The following SALL1 variants were observed in gnomAD, a reference collection of about 807,000 sequenced individuals.
SALL1 encodes the protein sal-like protein 1.
A neutral mutation model predicts 73.1 loss-of-function variants in SALL1; 10 were observed. That is an observed-to-expected ratio of 0.14 (90% CI 0.08 to 0.23). The LOEUF is 0.23. SALL1 is among the 10% of genes least tolerant of loss of function. The pLI, the probability that SALL1 is intolerant of heterozygous loss-of-function variation, is 1.00. For missense variants in SALL1, 1,520 were observed against 1,697.3 expected, an observed-to-expected ratio of 0.90 and a Z score of 1.84; for synonymous variants, 688 against 689.8, an observed-to-expected ratio of 1.00 and a Z score of 0.04.
intron 1 of SALL1, among the ~76,000 whole-genome samples, chr16:51,145,852 T>C (rs1308071816): frequency 3.3e-5 from 5 of 152,220 alleles, no homozygotes; most frequent in Non-Finnish European, 5.9e-5. Flanking sequence ...GACACTTCAC[T>C]GTACTTCCCA....
chr16:51,147,827 G>A lies in SALL1; in HGVS notation c.76+3339C>T, dbSNP rs943596179. ...CACACACATGCACACATGCACTTAC[G>A]CACACAAAACACATAACTGAAATCC... On this transcript the variant is annotated intron_variant, in intron 1 of 2. Transcript: ENST00000251020. Among the ~76,000 whole-genome samples the A allele has an allele frequency of 2.9e-4, 25 of 87,474 alleles. No homozygotes were observed. The South Asian group carries it at 8.2e-3, about 29-fold the overall frequency. The allele number at this position is 87,474 out of a possible 152,430, so 57.4% of individuals were successfully genotyped here. A position where few individuals can be genotyped will look rare whatever the true frequency, so the allele number is the denominator to read the frequency against.
In SALL1 at chr16:51,137,611, G is replaced by A. The variant is rs1047519223; in HGVS notation, c.3535-59C>T. ...GAGAGAGAGAGAAAAAAAAGAGGAG[G>A]GGGAGAGAAGCTTAATAGCTGAATC... is the stretch of plus-strand genomic sequence containing the variant. On this transcript the variant is annotated intron_variant, in intron 2 of 2. Coordinates refer to ENST00000251020, the MANE Select transcript of SALL1 (RefSeq NM_002968.3). The A allele has an allele frequency of 1.4e-5, 19 of 1,364,202 alleles. No homozygotes were observed. In the African/African-American group the frequency reaches 2.7e-4, roughly 20 times the overall value. The allele number at this position is 1,364,202 out of a possible 1,614,324, so 84.5% of individuals were successfully genotyped here. A position where few individuals can be genotyped will look rare whatever the true frequency, so the allele number is the denominator to read the frequency against.
Position 51,141,321 on chromosome 16 carries a change from G to C in SALL1, c.901C>G (p.Gln301Glu). The change falls in exon 2 of 3, where the codon CAG becomes GAG. Residue 301 changes from glutamine (Q) to glutamate (E), a missense_variant. By Grantham distance (29) the Gln-to-Glu change is conservative. Around this residue, in one of 7 missense-constraint regions of SALL1, gnomAD observed 540 missense variants for 567.5 expected, o/e 0.95. Coordinates refer to ENST00000251020, the MANE Select transcript of SALL1 (RefSeq NM_002968.3). This position sits in a 1 kb window ranked among gnomAD's most constrained non-coding sequence, Gnocchi z 5.4. Reference protein sequence around the residue: ...QQLAAAAGLAQSLASQSASIS... With the variant: ...QQLAAAAGLAESLASQSASIS... ...CTGGCAGATTGGCTGGCGAGGCTCT[G>C]TGCCAATCCAGCTGCTGCTGCCAGC... The C allele has an allele frequency of 6.2e-7, 1 of 1,613,808 alleles. No homozygotes were observed. The highest frequency in any genetic ancestry group is 8.5e-7 in the Non-Finnish European group (1 of 1,180,040).
At chr16:51,146,120 T>A (rs1387956622) in intron 1 of SALL1, among the ~76,000 whole-genome samples, 1 of 152,066 alleles carries the variant, frequency 6.6e-6, no homozygotes, top group Non-Finnish European at 1.5e-5. Flanking sequence ...ATATTTTCTG[T>A]GATGTCTAAA....
At position 51,140,301 on chromosome 16, in the gene SALL1, C is replaced by G. The variant is rs750975954; in HGVS notation, c.1921G>C (p.Val641Leu). ...TNSVPTASSS[V>L]LSSPAADCGP... is the part of the protein sequence containing the mutation. ...CAGTCTGCCGCTGGGGAGCTCAGGA[C>G]GCTACTGCTCGCCGTCGGGACTGAG... The change falls in exon 2 of 3, where the codon GTC becomes CTC. Residue 641 changes from valine to leucine, a missense_variant. Transcript: ENST00000251020. This position sits in a 1 kb window ranked among gnomAD's most constrained non-coding sequence, Gnocchi z 5.7. 6.2e-7 allele frequency: 1 copy of G among 1,614,122 alleles called. No homozygotes were observed. Among genetic ancestry groups the G allele is most frequent in the East Asian group, 2.2e-5 (1 of 44,876 alleles).
In SALL1 at chr16:51,139,195, T is replaced by G. The variant is rs1664170012; in HGVS notation, c.3027A>C (p.Thr1009=). ...TGTCCAAGGCACTCTGACAAGCAAA[T>G]GTTTTGCCACAAATGTCACAAGCAG... is the stretch of plus-strand genomic sequence containing the variant. ...KNTACDICGK[T]FACQSALDIH... Residue 1009 remains threonine, a synonymous_variant, in exon 2 of 3, where the codon ACA becomes ACC. Transcript: ENST00000251020. 3 of 1,614,120 alleles carry G rather than the reference T, an allele frequency of 1.9e-6. No homozygotes were observed. Among genetic ancestry groups the G allele is most frequent in the Non-Finnish European group, 1.7e-6 (2 of 1,180,054 alleles).
Position 51,139,163 on chromosome 16 carries a change from T to A in SALL1, c.3059A>T (p.Tyr1020Phe). The change falls in exon 2 of 3, where the codon TAT becomes TTT. Residue 1020 changes from tyrosine (Y) to phenylalanine (F), a missense_variant. By Grantham distance (22) the Tyr-to-Phe change is conservative. Transcript: ENST00000251020. ...FACQSALDIH[Y>F]RSHTKERPFI... is the part of the protein sequence containing the mutation. ...TGGTCTCTCTTTGGTATGACTTCTA[T>A]AGTGAATGTCCAAGGCACTCTGACA... The A allele has an allele frequency of 6.2e-7, 1 of 1,614,234 alleles. No homozygotes were observed. The highest frequency in any genetic ancestry group is 8.5e-7 in the Non-Finnish European group (1 of 1,180,044).
chr16:51,145,012 A>G (rs1259186641), intron 1 of SALL1, among the ~76,000 whole-genome samples: 2 of 152,004 alleles, frequency 1.3e-5, no homozygotes, highest in Admixed American at 6.5e-5. Flanking sequence ...ATTTATTTCA[A>G]AAGCAGGTGT....
rs770978250 is a variant in SALL1 at position 51,141,313 on chromosome 16, G to A, written c.909C>T (p.Leu303=). 9.9e-6 allele frequency: 16 copies of A among 1,613,712 alleles called. No individual in the cohort carries two copies. The highest frequency in any genetic ancestry group is 8.0e-5 in the African/African-American group (6 of 74,930). ...CACTAATGCTGGCAGATTGGCTGGC[G>A]AGGCTCTGTGCCAATCCAGCTGCTG... ...LAAAAGLAQS[L]ASQSASISGV... is the part of the protein sequence containing the mutation. The change falls in exon 2 of 3, where the codon CTC becomes CTT. Residue 303 remains leucine (L), a synonymous_variant. Coordinates refer to ENST00000251020, the MANE Select transcript of SALL1 (RefSeq NM_002968.3). This position sits in a 1 kb window ranked among gnomAD's most constrained non-coding sequence, Gnocchi z 5.4.
In SALL1 at chr16:51,137,402, C is replaced by T. The variant is rs201147024; in HGVS notation, c.3685G>A (p.Asp1229Asn). 1.5e-4 allele frequency: 248 copies of T among 1,614,146 alleles called. No individual in the cohort carries two copies. The highest frequency in any genetic ancestry group is 1.9e-4 in the Non-Finnish European group (228 of 1,180,034). Residue 1229 changes from aspartate to asparagine, a missense_variant, in exon 3 of 3, where the codon GAT becomes AAT. Physicochemically the swap from Asp to Asn is conservative, Grantham distance 23. This residue lies in a region of SALL1 where 318 missense variants were observed against 357.1 expected (regional missense o/e 0.89). Coordinates refer to ENST00000251020, the MANE Select transcript of SALL1 (RefSeq NM_002968.3). ...KDLAARSGSG[D>N]PSSFWNQYAA... ...TACTGATTCCAGAAGCTGGAAGGAT[C>T]CCCACTTCCTGATCTTGCCGCCAAA...
chr16:51,148,793 C>T (rs531470107), intron 1 of SALL1, among the ~76,000 whole-genome samples: 1 of 152,080 alleles, frequency 6.6e-6, no homozygotes, highest in East Asian at 1.9e-4. Context: ...TCCTGAAACC[C>T]TATTACAAAA....
chr16:51,139,118 T>A lies in SALL1; in HGVS notation c.3104A>T (p.Asn1035Ile). ...KERPFICTVC[N>I]RGFSTKGNLK... Reference sequence around the variant, plus strand: ...ATTACCCTTTGTGGAAAAGCCACGATTGCAAACTGTGCAAATAAATGGTCT... The same window carrying A: ...ATTACCCTTTGTGGAAAAGCCACGAATGCAAACTGTGCAAATAAATGGTCT... Residue 1035 changes from asparagine (N) to isoleucine (I), a missense_variant, in exon 2 of 3, where the codon AAT becomes ATT. Coordinates refer to ENST00000251020, the MANE Select transcript of SALL1 (RefSeq NM_002968.3). 6.2e-7 allele frequency: 1 copy of A among 1,614,216 alleles called. No individual in the cohort carries two copies. Among genetic ancestry groups the A allele is most frequent in the Non-Finnish European group, 8.5e-7 (1 of 1,180,042 alleles).
rs1364575802 is a variant in SALL1 at position 51,139,487 on chromosome 16, T to C, written c.2735A>G (p.Gln912Arg). The C allele has an allele frequency of 6.2e-7, 1 of 1,614,228 alleles. No homozygotes were observed. Among genetic ancestry groups the C allele is most frequent in the Admixed American group, 1.7e-5 (1 of 60,028 alleles). ...TGAGATGGCTGGGCTGCCAGCACTT[T>C]GGCTTTCCATGTCACCACCCACTGA... ...SSSVGGDMES[Q>R]SAGSPAISES... Residue 912 changes from glutamine (Q) to arginine (R), a missense_variant, in exon 2 of 3, where the codon CAA becomes CGA. By Grantham distance (43) the Gln-to-Arg change is conservative (BLOSUM62 1). Around this residue, in one of 7 missense-constraint regions of SALL1, gnomAD observed 266 missense variants for 275.1 expected, o/e 0.97. Transcript: ENST00000251020.
intron 1 of SALL1, among the ~76,000 whole-genome samples, chr16:51,144,030 T>TC (rs58233844): frequency 1 from 152,264 of 152,282 alleles, 76,123 homozygotes; most frequent in Middle Eastern, 1. Flanking sequence ...TTTCTGCTTC[T>TC]CCCCTGCCTT....
At chr16:51,151,376 C>A (rs1036952800), upstream of SALL1, 1 of 317,564 alleles carries the variant, frequency 3.1e-6, no homozygotes, top group East Asian at 7.1e-5. Context: ...CCCGGCTCCC[C>A]GGCCCCGGGC....
At position 51,139,371 on chromosome 16, in the gene SALL1, C is replaced by T. The variant is rs1446359548; in HGVS notation, c.2851G>A (p.Ala951Thr). Residue 951 changes from alanine (A) to threonine (T), a missense_variant, in exon 2 of 3, where the codon GCG (alanine) becomes ACG (threonine). Ala to Thr is a moderately conservative substitution (Grantham distance 58). This residue lies in a region of SALL1 where 266 missense variants were observed against 275.1 expected (regional missense o/e 0.97). Coordinates refer to ENST00000251020, the MANE Select transcript of SALL1 (RefSeq NM_002968.3). ...SPSIEEKPQR[A>T]VPSEFANGLS... ...CCATTGGCAAACTCGCTTGGGACCG[C>T]TCTCTGTGGTTTCTCCTCAATGCTG... The T allele has an allele frequency of 6.2e-7, 1 of 1,614,180 alleles. No individual in the cohort carries two copies. The highest frequency in any genetic ancestry group is 1.7e-5 in the Admixed American group (1 of 60,024).
At chr16:51,150,577 T>G in intron 1 of SALL1, 1 of 985,980 alleles carries the variant, frequency 1.0e-6, no homozygotes, top group South Asian at 4.7e-5. Flanking sequence ...CCCATCTTCT[T>G]GCAGCTCTGA....
chr16:51,138,599 C>T, intron 2 of SALL1, 89 bp downstream of exon 2: 2 of 1,481,990 alleles, frequency 1.3e-6, no homozygotes, highest in South Asian at 1.3e-5. Flanking sequence ...AATATCTGGG[C>T]TGATGACTCT....
intron 1 of SALL1, among the ~76,000 whole-genome samples, chr16:51,145,221 C>CAT (rs780106750): frequency 5.5e-5 from 5 of 91,100 alleles, no homozygotes; most frequent in Non-Finnish European, 1.1e-4. Flanking sequence ...CACACATACA[C>CAT]ACACACACAC....
Sources: gnomAD v4.1 joint callset for allele counts (sites outside exome capture counted in the v4.1 genomes callset) on GRCh38, gnomAD v4.1.1 for gene constraint, gnomAD v4.1.1 regional missense constraint, Gnocchi (gnomAD v3.1) non-coding constraint, MANE v1.5 for transcripts, NCBI Gene and HGNC (gene_info 2026-07-23, HGNC 2026-07-21) for gene names.